DOK6: variants seen among roughly 807,000 people sequenced by gnomAD.
DOK6 encodes the protein docking protein 6.
Under a neutral mutation model 44.0 loss-of-function variants are expected in DOK6, and 22 were observed. The observed-to-expected ratio is 0.50, with a 90% CI of 0.36 to 0.71. DOK6 has a LOEUF of 0.71. DOK6 is among the 30% of genes least tolerant of loss of function. The pLI, the probability that DOK6 is intolerant of heterozygous loss-of-function variation, is 0.00. For synonymous variants in DOK6, 166 were observed against 145.5 expected, an observed-to-expected ratio of 1.14 and a Z score of -1.01; for missense variants, 340 against 416.4, an observed-to-expected ratio of 0.82 and a Z score of 1.60.
intron 7 of DOK6, among the ~76,000 whole-genome samples, chr18:69,822,589 C>A (rs1981607317): frequency 6.6e-6 from 1 of 152,154 alleles, no homozygotes; most frequent in South Asian, 2.1e-4. Flanking sequence ...GAGACATTAT[C>A]TTTTTTGTAC....
rs541824421 is a variant in DOK6, at chr18:69,592,600, T to C, written c.175-6784T>C. On this transcript the variant is annotated intron_variant, in intron 2 of 7. Coordinates refer to ENST00000382713, the MANE Select transcript of DOK6 (RefSeq NM_152721.6). ...CCTTAATATTTTAAATTTTTCATCATGGAACGTATTGATTTGGATGTGAAC... is the reference window on the plus strand; with the variant it reads ...CCTTAATATTTTAAATTTTTCATCACGGAACGTATTGATTTGGATGTGAAC... Among the ~76,000 whole-genome samples, 190 of 152,280 alleles carry C rather than the reference T, an allele frequency of 1.2e-3. 2 individuals carry two copies. Among genetic ancestry groups the C allele is most frequent in the African/African-American group, 4.3e-3 (180 of 41,594 alleles).
At chr18:69,827,020 C>G (rs535910043) in intron 7 of DOK6, among the ~76,000 whole-genome samples, 2 of 152,178 alleles carry the variant, frequency 1.3e-5, no homozygotes, top group South Asian at 4.2e-4. Context: ...CTGTACTAGT[C>G]TTGCATAAAA....
Position 69,701,909 on chromosome 18 carries a change from G to A in DOK6, c.599+3316G>A, listed in dbSNP as rs144113687. Among the ~76,000 whole-genome samples the A allele has an allele frequency of 8.5e-3, 1,300 of 152,262 alleles. 8 individuals are homozygous for A. Among genetic ancestry groups the A allele is most frequent in the Non-Finnish European group, 0.012 (830 of 68,008 alleles). The stretch of plus-strand genomic sequence containing the variant: ...TCCTAAACCTTCGTTGGTCAGGGAT[G>A]CAAAGAGAAAGAATCTTTTCTCTAA... On this transcript the variant is annotated intron_variant, in intron 5 of 7. Transcript: ENST00000382713.
rs139429205 is a variant in DOK6 at position 69,512,878 on chromosome 18, A to T, written c.67-51609A>T. 1.5e-4 allele frequency among the ~76,000 whole-genome samples: 23 copies of T among 152,292 alleles called. No individual in the cohort carries two copies. In the East Asian group the frequency reaches 3.9e-3, roughly 26 times the overall value. ...GGTTATAACTTTTAACAACAACAAA[A>T]ACTGGTATGTGGATTGCAGCTATTC... On this transcript the variant is annotated intron_variant, in intron 1 of 7. Transcript: ENST00000382713.
chr18:69,828,436 T>A (rs1981804253), intron 7 of DOK6, among the ~76,000 whole-genome samples: 1 of 151,806 alleles, frequency 6.6e-6, no homozygotes, highest in African/African-American at 2.4e-5. Context: ...AGATCGCAGT[T>A]GTAGAAAATT....
At chr18:69,506,771 C>T (rs561270364) in intron 1 of DOK6, among the ~76,000 whole-genome samples, 10 of 151,834 alleles carry the variant, frequency 6.6e-5, no homozygotes, top group South Asian at 6.3e-4. Context: ...GTGGGGTTGC[C>T]GGGTTGTATG....
At chr18:69,614,281 A>G (rs1382800229) in intron 3 of DOK6, among the ~76,000 whole-genome samples, 1 of 152,142 alleles carries the variant, frequency 6.6e-6, no homozygotes, top group African/African-American at 2.4e-5. Context: ...CAAGTCATCT[A>G]GAAAAGATGC....
At chr18:69,701,115 C>G (rs1299924575) in intron 5 of DOK6, among the ~76,000 whole-genome samples, 5 of 152,144 alleles carry the variant, frequency 3.3e-5, no homozygotes, top group African/African-American at 1.2e-4. Context: ...TAGACATGAA[C>G]AGTAGGAATG....
At chr18:69,664,481 A>G (rs1057478106) in intron 3 of DOK6, among the ~76,000 whole-genome samples, 2 of 152,202 alleles carry the variant, frequency 1.3e-5, no homozygotes, top group Non-Finnish European at 2.9e-5. Context: ...GTATTTCAAC[A>G]TCAGTGGTCC....
At chr18:69,670,268 A>T (rs1168372657) in intron 3 of DOK6, among the ~76,000 whole-genome samples, 2 of 152,044 alleles carry the variant, frequency 1.3e-5, no homozygotes, top group African/African-American at 4.8e-5. Flanking sequence ...GCTCTGTATG[A>T]TTTCAGACTT....
chr18:69,793,017 A>G (rs1486169377), intron 7 of DOK6, among the ~76,000 whole-genome samples: 1 of 152,178 alleles, frequency 6.6e-6, no homozygotes, highest in Non-Finnish European at 1.5e-5. Flanking sequence ...TCTAAGAAAT[A>G]GATAAATATC....
intron 7 of DOK6, among the ~76,000 whole-genome samples, chr18:69,789,319 C>G (rs932513235): frequency 6.6e-6 from 1 of 151,906 alleles, no homozygotes; most frequent in African/African-American, 2.4e-5. Context: ...TTTATAGGAC[C>G]TTTTACTCTT....
At chr18:69,711,727 G>T (rs2144715646) in intron 5 of DOK6, among the ~76,000 whole-genome samples, 1 of 152,246 alleles carries the variant, frequency 6.6e-6, no homozygotes, top group East Asian at 1.9e-4. Flanking sequence ...CATGAAAAGT[G>T]CCAAATAGTT....
At chr18:69,744,177 G>A (rs1978899444) in intron 6 of DOK6, among the ~76,000 whole-genome samples, 1 of 152,072 alleles carries the variant, frequency 6.6e-6, no homozygotes, top group South Asian at 2.1e-4. Flanking sequence ...TGGTGTGGTG[G>A]TGGGTGCCTG....
At chr18:69,802,807 G>T (rs759713498) in intron 7 of DOK6, among the ~76,000 whole-genome samples, 2 of 152,114 alleles carry the variant, frequency 1.3e-5, no homozygotes, top group Non-Finnish European at 2.9e-5. Flanking sequence ...TGTACAGCCT[G>T]CAGAAATGTG....
chr18:69,610,593 A>T (rs1984115043), intron 3 of DOK6, among the ~76,000 whole-genome samples: 2 of 152,270 alleles, frequency 1.3e-5, no homozygotes, highest in African/African-American at 4.8e-5. Context: ...CCACCCAAGA[A>T]GTATATACAA....
intron 5 of DOK6, among the ~76,000 whole-genome samples, chr18:69,706,766 G>A (rs1986645911): frequency 6.9e-6 from 1 of 145,716 alleles, no homozygotes. Flanking sequence ...TCCCACCTAT[G>A]AGTGAGAACA....
intron 1 of DOK6, among the ~76,000 whole-genome samples, chr18:69,454,803 G>A (rs199930644): frequency 5.9e-4 from 86 of 145,698 alleles, no homozygotes; most frequent in South Asian, 1.4e-3. Context: ...GTAAACTGTC[G>A]CAAGAACAAA....
At chr18:69,798,002 C>T (rs1479655568) in intron 7 of DOK6, among the ~76,000 whole-genome samples, 1 of 152,144 alleles carries the variant, frequency 6.6e-6, no homozygotes, top group Non-Finnish European at 1.5e-5. Context: ...GACTCTATAT[C>T]TGCTACTAAT....
Sources: allele counts gnomAD v4.1 joint callset (sites outside exome capture counted in the v4.1 genomes callset), GRCh38; gene constraint gnomAD v4.1.1; transcripts MANE v1.5; gene names NCBI Gene and HGNC (gene_info 2026-07-23, HGNC 2026-07-21).